The following PRELID2 variants were observed in gnomAD, a reference collection of about 807,000 sequenced individuals.
PRELID2 encodes the protein PRELI domain containing 2, also known as PRELI domain-containing protein 2.
A neutral mutation model predicts 28.4 loss-of-function variants in PRELID2; 25 were observed. The observed-to-expected ratio is 0.88, with a 90% CI of 0.64 to 1.23. The LOEUF (loss-of-function observed/expected upper bound fraction) is 1.23, where lower values mean the gene tolerates loss of function less well. Among genes scored for constraint, PRELID2 ranks in the 50% most tolerant of loss-of-function variants. PRELID2 has a pLI of 0.00. For synonymous variants in PRELID2, 76 were observed against 71.6 expected (o/e 1.06, Z -0.31); for missense variants, 201 against 214.4 (o/e 0.94, Z 0.39).
chr5:145,382,764 T>A, the PRELID2 span, among the ~76,000 whole-genome samples: 1 of 151,964 alleles, frequency 6.6e-6, no homozygotes, highest in Admixed American at 6.6e-5. Context: ...CCCTTAGCAT[T>A]TACTTGTCTG....
the PRELID2 span, among the ~76,000 whole-genome samples, chr5:145,333,485 A>G: frequency 2.0e-5 from 3 of 152,198 alleles, no homozygotes; most frequent in African/African-American, 7.2e-5. Flanking sequence ...GGAGGAATCT[A>G]GAGAGGCAGT....
the PRELID2 span, among the ~76,000 whole-genome samples, chr5:145,287,432 G>C: frequency 1.4e-4 from 22 of 152,084 alleles, no homozygotes; most frequent in Non-Finnish European, 2.5e-4. Flanking sequence ...TAGCTACTAA[G>C]TGACTAACAA....
chr5:145,600,420 G>GGAAAA (rs1491541560), intron 1 of PRELID2, among the ~76,000 whole-genome samples: 9 of 124,156 alleles, frequency 7.2e-5, no homozygotes, highest in African/African-American at 3.3e-4. Context: ...CTCAGGGGGG[G>GGAAAA]AAAAAAAAAA....
chr5:145,620,386 A>C (rs543111195), intron 1 of PRELID2, among the ~76,000 whole-genome samples: 1 of 152,324 alleles, frequency 6.6e-6, no homozygotes, highest in African/African-American at 2.4e-5. Context: ...ACCCTAATGT[A>C]AACTTTGGAC....
the PRELID2 span, among the ~76,000 whole-genome samples, chr5:145,347,759 G>T: frequency 3.3e-5 from 5 of 152,054 alleles, no homozygotes; most frequent in Non-Finnish European, 4.4e-5. Context: ...TGATACTGTA[G>T]TGGTAGATAA....
chr5:145,308,785 A>T, the PRELID2 span, among the ~76,000 whole-genome samples: 1 of 152,226 alleles, frequency 6.6e-6, no homozygotes, highest in Non-Finnish European at 1.5e-5. Flanking sequence ...TTCAAATAGG[A>T]TAGGAATGCT....
the PRELID2 span, among the ~76,000 whole-genome samples, chr5:145,277,136 T>C: frequency 2.0e-5 from 3 of 152,082 alleles, no homozygotes; most frequent in African/African-American, 7.2e-5. Context: ...AGGTTTCTAT[T>C]TCCTGCCATA....
chr5:145,316,960 A>T, the PRELID2 span, among the ~76,000 whole-genome samples: 1 of 152,236 alleles, frequency 6.6e-6, no homozygotes, highest in Non-Finnish European at 1.5e-5. Flanking sequence ...GTTCTAAAAG[A>T]TCATTTAATT....
At chr5:145,791,341 G>A (rs1010149595) in intron 5 of PRELID2, among the ~76,000 whole-genome samples, 6 of 152,060 alleles carry the variant, frequency 3.9e-5, no homozygotes, top group African/African-American at 1.4e-4. Context: ...AACCATATCA[G>A]GTGACTAGAC....
the PRELID2 span, among the ~76,000 whole-genome samples, chr5:145,383,783 T>C: frequency 6.6e-6 from 1 of 151,868 alleles, no homozygotes; most frequent in African/African-American, 2.4e-5. Flanking sequence ...CAAACATTTC[T>C]TAAAGAGAAG....
At chr5:145,583,032 A>G (rs1753121519) in intron 1 of PRELID2, among the ~76,000 whole-genome samples, 1 of 152,206 alleles carries the variant, frequency 6.6e-6, no homozygotes, top group Admixed American at 6.5e-5. Context: ...CATCGACGCA[A>G]AAATTCTCAA....
At chr5:145,678,749 G>A (rs533993584) in intron 1 of PRELID2, among the ~76,000 whole-genome samples, 9 of 152,246 alleles carry the variant, frequency 5.9e-5, no homozygotes, top group South Asian at 2.1e-4. Context: ...GAGCCTTAAT[G>A]TCCTATCTGC....
At chr5:145,616,975 G>A (rs1017117499) in intron 1 of PRELID2, among the ~76,000 whole-genome samples, 13 of 151,486 alleles carry the variant, frequency 8.6e-5, no homozygotes, top group East Asian at 1.9e-4. Context: ...GGATGCATTC[G>A]CTTTCTCAGG....
the PRELID2 span, chr5:145,229,120 T>C: frequency 7.3e-7 from 1 of 1,364,126 alleles, no homozygotes; most frequent in Non-Finnish European, 1.0e-6. Context: ...CACAAAAAAG[T>C]GGAAACCGTC....
the PRELID2 span, among the ~76,000 whole-genome samples, chr5:145,269,843 G>A: frequency 6.7e-6 from 1 of 148,342 alleles, no homozygotes; most frequent in Non-Finnish European, 1.5e-5. Flanking sequence ...TTTATAGACT[G>A]AGAAATTCAA....
At chr5:145,229,282 G>C in the PRELID2 span, 1 of 753,278 alleles carries the variant, frequency 1.3e-6, no homozygotes, top group East Asian at 2.5e-5. Context: ...ACTGGTTCAA[G>C]GGCCGCAGTG....
intron 1 of PRELID2, among the ~76,000 whole-genome samples, chr5:145,743,352 A>G (rs1170872426): frequency 1.3e-5 from 2 of 148,148 alleles, no homozygotes; most frequent in Admixed American, 6.8e-5. Context: ...CAGAGGCTGC[A>G]GTGAGCTAAG....
At chr5:145,334,029 G>T in the PRELID2 span, among the ~76,000 whole-genome samples, 1 of 152,018 alleles carries the variant, frequency 6.6e-6, no homozygotes, top group Admixed American at 6.5e-5. Flanking sequence ...CTTAGCTAGG[G>T]GAGGGAATTC....
At chr5:145,713,829 T>C (rs1755771474) in intron 1 of PRELID2, among the ~76,000 whole-genome samples, 1 of 150,708 alleles carries the variant, frequency 6.6e-6, no homozygotes, top group South Asian at 2.1e-4. Flanking sequence ...CACATATATA[T>C]ATGCCAGAAG....
Sources: gnomAD v4.1 joint callset for allele counts (sites outside exome capture counted in the v4.1 genomes callset) on GRCh38, gnomAD v4.1.1 for gene constraint, MANE v1.5 for transcripts, NCBI Gene and HGNC (gene_info 2026-07-23, HGNC 2026-07-21) for gene names.